Variants in THSD7B observed in about 807,000 individuals in gnomAD.
THSD7B encodes the protein thrombospondin type-1 domain-containing protein 7B.
A neutral mutation model predicts 213.6 loss-of-function variants in THSD7B; 138 were observed. The observed-to-expected ratio is 0.65, with a 90% CI of 0.56 to 0.74. THSD7B has a LOEUF of 0.74. Among genes scored for constraint, THSD7B ranks in the 30% least tolerant of loss-of-function variants. THSD7B has a pLI of 0.00. For missense variants in THSD7B, 1,931 were observed against 1,991.5 expected (o/e 0.97, Z 0.58); for synonymous variants, 742 against 687.0 (o/e 1.08, Z -1.25).
intron 7 of THSD7B, among the ~76,000 whole-genome samples, chr2:137,186,273 G>A (rs1372476597): frequency 6.6e-6 from 1 of 152,048 alleles, no homozygotes; most frequent in African/African-American, 2.4e-5. Flanking sequence ...TGTTGCAATT[G>A]CTTTTAAGGA....
intron 15 of THSD7B, among the ~76,000 whole-genome samples, chr2:137,472,097 T>G (rs1688106018): frequency 6.6e-6 from 1 of 152,230 alleles, no homozygotes; most frequent in Admixed American, 6.5e-5. Context: ...TGGTTAGTCA[T>G]CTTCCTCCTG....
chr2:137,387,284 T>G (rs1263647279), intron 12 of THSD7B, among the ~76,000 whole-genome samples: 1 of 152,208 alleles, frequency 6.6e-6, no homozygotes, highest in Non-Finnish European at 1.5e-5. Context: ...TCTGAGTGGC[T>G]TACCTCAAAC....
intron 2 of THSD7B, among the ~76,000 whole-genome samples, chr2:136,953,357 A>G (rs1215526148): frequency 6.6e-6 from 1 of 152,182 alleles, no homozygotes; most frequent in Non-Finnish European, 1.5e-5. Flanking sequence ...AGAACACATT[A>G]AGCTGTTTTA....
chr2:137,555,100 A>T (rs1044814090), intron 15 of THSD7B, among the ~76,000 whole-genome samples: 1 of 152,234 alleles, frequency 6.6e-6, no homozygotes, highest in African/African-American at 2.4e-5. Flanking sequence ...CTGCCTCTGT[A>T]GACTCCACCT....
chr2:137,364,511 A>C (rs1685358132), intron 12 of THSD7B, among the ~76,000 whole-genome samples: 1 of 152,342 alleles, frequency 6.6e-6, no homozygotes, highest in East Asian at 1.9e-4. Flanking sequence ...ATCTCAGCCA[A>C]AATCTCCTTA....
chr2:137,434,544 C>A (rs1390382418), intron 14 of THSD7B, among the ~76,000 whole-genome samples: 1 of 152,192 alleles, frequency 6.6e-6, no homozygotes. Context: ...CCAAGTTATA[C>A]AACTTCCAAA....
chr2:137,397,131 G>T (rs1392209746), intron 12 of THSD7B, among the ~76,000 whole-genome samples: 2 of 151,596 alleles, frequency 1.3e-5, no homozygotes, highest in African/African-American at 4.9e-5. Flanking sequence ...TTGCCAGTCT[G>T]TATCTTTTAA....
chr2:137,524,478 A>G (rs1233282934), intron 15 of THSD7B, among the ~76,000 whole-genome samples: 2 of 152,024 alleles, frequency 1.3e-5, no homozygotes, highest in African/African-American at 4.8e-5. Flanking sequence ...CCCTCCCGAC[A>G]TAGTCTGGGA....
chr2:137,613,846 A>G (rs938758010), intron 17 of THSD7B, among the ~76,000 whole-genome samples: 3 of 152,142 alleles, frequency 2.0e-5, no homozygotes, highest in African/African-American at 7.2e-5. Flanking sequence ...TGGATAATTC[A>G]TTATTTTATG....
chr2:137,292,820 C>A (rs1683367255), intron 12 of THSD7B, among the ~76,000 whole-genome samples: 3 of 152,138 alleles, frequency 2.0e-5, no homozygotes, highest in Admixed American at 1.3e-4. Context: ...TTCCTCATAA[C>A]CCTGCTCTGC....
At chr2:137,617,949 A>G (rs1310392970) in intron 18 of THSD7B, among the ~76,000 whole-genome samples, 1 of 152,158 alleles carries the variant, frequency 6.6e-6, no homozygotes, top group Non-Finnish European at 1.5e-5. Flanking sequence ...TCAAAATACC[A>G]TCACCTAGAG....
At chr2:137,556,323 A>G (rs896487985) in intron 15 of THSD7B, among the ~76,000 whole-genome samples, 6 of 151,858 alleles carry the variant, frequency 4.0e-5, no homozygotes, top group African/African-American at 1.5e-4. Flanking sequence ...AGGGAAGCCC[A>G]TCAGACTAAC....
intron 3 of THSD7B, among the ~76,000 whole-genome samples, chr2:137,065,733 A>G (rs1687362480): frequency 6.6e-6 from 1 of 152,098 alleles, no homozygotes. Context: ...TGGTTTTATT[A>G]GAATTTGCAG....
At chr2:137,003,582 C>T (rs145255963) in intron 2 of THSD7B, among the ~76,000 whole-genome samples, 14 of 152,172 alleles carry the variant, frequency 9.2e-5, no homozygotes, top group South Asian at 8.3e-4. Flanking sequence ...AAAATCATTG[C>T]GAGAAATGGT....
chr2:137,173,266 TAAG>T (rs1680298405), intron 7 of THSD7B, among the ~76,000 whole-genome samples: 1 of 152,148 alleles, frequency 6.6e-6, no homozygotes, highest in Non-Finnish European at 1.5e-5. Context: ...ATGAAAATAA[TAAG>T]GAGGATTCGA....
intron 2 of THSD7B, among the ~76,000 whole-genome samples, chr2:137,056,188 T>G (rs1341380631): frequency 6.6e-6 from 1 of 152,192 alleles, no homozygotes; most frequent in African/African-American, 2.4e-5. Context: ...GTGAGGAACT[T>G]TCTAAGGCTT....
intron 2 of THSD7B, among the ~76,000 whole-genome samples, chr2:137,012,731 C>T (rs1686254251): frequency 6.6e-6 from 1 of 152,190 alleles, no homozygotes; most frequent in South Asian, 2.1e-4. Flanking sequence ...GCTCTGGTTT[C>T]CCAGTGTGTT....
At chr2:137,286,901 T>C (rs1207963168) in intron 12 of THSD7B, among the ~76,000 whole-genome samples, 1 of 152,162 alleles carries the variant, frequency 6.6e-6, no homozygotes, top group Non-Finnish European at 1.5e-5. Flanking sequence ...CATTTGGCAG[T>C]GTTTTCTCAT....
At chr2:136,866,907 A>T (rs891970763) in intron 1 of THSD7B, among the ~76,000 whole-genome samples, 3 of 151,470 alleles carry the variant, frequency 2.0e-5, no homozygotes, top group African/African-American at 7.3e-5. Context: ...TCAATTTTCC[A>T]TATGTGTTTG....
Sources: gnomAD v4.1 joint callset for allele counts (sites outside exome capture counted in the v4.1 genomes callset) on GRCh38, gnomAD v4.1.1 for gene constraint, MANE v1.5 for transcripts, NCBI Gene and HGNC (gene_info 2026-07-23, HGNC 2026-07-21) for gene names.